The following SPHKAP variants were observed in gnomAD, a reference collection of about 807,000 sequenced individuals.
SPHKAP encodes A-kinase anchor protein SPHKAP.
Under a neutral mutation model 137.5 loss-of-function variants are expected in SPHKAP, and 67 were observed. The observed-to-expected ratio is 0.49, with a 90% confidence interval of 0.40 to 0.60. The LOEUF (loss-of-function observed/expected upper bound fraction) is 0.60. SPHKAP is among the 20% of genes least tolerant of loss of function. The probability of loss-of-function intolerance (pLI) is 0.00; values close to 1 mark genes in which losing one functional copy is unlikely to be tolerated. For synonymous variants in SPHKAP, 813 were observed against 785.3 expected (o/e 1.04, Z -0.59); for missense variants, 2,097 against 2,069.3 (o/e 1.01, Z -0.26).
chr2:228,140,416 C>G (rs1699568136), intron 1 of SPHKAP, among the ~76,000 whole-genome samples: 1 of 152,134 alleles, frequency 6.6e-6, no homozygotes, highest in East Asian at 1.9e-4. Flanking sequence ...CATCAAACCA[C>G]TTGGGCAGGT....
rs185736911 is a variant in SPHKAP, at chr2:228,021,355, C to T, written c.697+356G>A. ...TCAAATCCAGGCTGGTCCAACTTGG[C>T]TTCAACTAATATATGGCTTTTATGG... On this transcript the variant is annotated intron_variant, in intron 6 of 11. Transcript: ENST00000392056. Among the ~76,000 whole-genome samples the T allele has an allele frequency of 7.2e-5, 11 of 152,280 alleles. No homozygotes were observed. In the East Asian group the frequency reaches 2.1e-3, roughly 29 times the overall value.
At chr2:228,065,494 C>T (rs573742368) in intron 3 of SPHKAP, among the ~76,000 whole-genome samples, 5 of 152,240 alleles carry the variant, frequency 3.3e-5, no homozygotes, top group East Asian at 1.9e-4. Context: ...CAGTGGAGAC[C>T]GCAAGTCTAA....
intron 3 of SPHKAP, among the ~76,000 whole-genome samples, chr2:228,058,967 C>A (rs536668243): frequency 2.8e-4 from 42 of 152,316 alleles, no homozygotes; most frequent in Non-Finnish European, 4.7e-4. Context: ...CCTCACTTAA[C>A]CCCAGCAATC....
chr2:228,148,193 C>T (rs1006259244), intron 1 of SPHKAP, among the ~76,000 whole-genome samples: 5 of 152,168 alleles, frequency 3.3e-5, no homozygotes, highest in Non-Finnish European at 5.9e-5. Flanking sequence ...TCTCTGGCTG[C>T]ACCAGGTTGT....
At chr2:228,021,034 T>C (rs1694824361) in intron 6 of SPHKAP, among the ~76,000 whole-genome samples, 1 of 152,156 alleles carries the variant, frequency 6.6e-6, no homozygotes, top group Non-Finnish European at 1.5e-5. Flanking sequence ...AGATTTGTTC[T>C]AAAGTTTGCA....
chr2:228,038,378 G>A (rs1473086335), intron 3 of SPHKAP, among the ~76,000 whole-genome samples: 2 of 150,942 alleles, frequency 1.3e-5, no homozygotes, highest in African/African-American at 4.9e-5. Flanking sequence ...ATTTTTTTTT[G>A]CAGGGGCAGT....
chr2:228,044,738 GT>G (rs1188977654), intron 3 of SPHKAP, among the ~76,000 whole-genome samples: 1 of 152,182 alleles, frequency 6.6e-6, no homozygotes, highest in East Asian at 1.9e-4. Context: ...ATAACAACTA[GT>G]TTTTCATATT....
intron 7 of SPHKAP, among the ~76,000 whole-genome samples, chr2:228,013,856 C>G (rs377087490): frequency 6.6e-6 from 1 of 151,920 alleles, no homozygotes; most frequent in East Asian, 1.9e-4. Context: ...ATATTTAGTC[C>G]TTATGTTTTG....
At chr2:228,118,786 C>G (rs1698806172) in intron 2 of SPHKAP, among the ~76,000 whole-genome samples, 1 of 152,070 alleles carries the variant, frequency 6.6e-6, no homozygotes, top group Non-Finnish European at 1.5e-5. Flanking sequence ...TTCATTCGTT[C>G]TTTCATTCGA....
At chr2:228,074,997 G>A (rs1697132492) in intron 3 of SPHKAP, among the ~76,000 whole-genome samples, 1 of 152,156 alleles carries the variant, frequency 6.6e-6, no homozygotes, top group Non-Finnish European at 1.5e-5. Flanking sequence ...GAAGGAGGAA[G>A]GGGAGGAAGA....
At chr2:227,998,065 A>G (rs761252153) in intron 7 of SPHKAP, among the ~76,000 whole-genome samples, 17 of 152,154 alleles carry the variant, frequency 1.1e-4, no homozygotes, top group Non-Finnish European at 2.4e-4. Flanking sequence ...GAAGTGCAGT[A>G]GCATGATCTC....
chr2:228,092,007 CA>C, intron 3 of SPHKAP, among the ~76,000 whole-genome samples: 1 of 151,734 alleles, frequency 6.6e-6, no homozygotes, highest in Admixed American at 6.6e-5. Flanking sequence ...TGCAAAAATA[CA>C]AAACCAGCCC....
At chr2:228,167,245 G>A (rs1193728126) in intron 1 of SPHKAP, among the ~76,000 whole-genome samples, 1 of 152,124 alleles carries the variant, frequency 6.6e-6, no homozygotes, top group Non-Finnish European at 1.5e-5. Flanking sequence ...CGATCCATGT[G>A]ATGAAACTGC....
At chr2:228,024,051 G>C (rs1403357260) in intron 5 of SPHKAP, among the ~76,000 whole-genome samples, 3 of 152,166 alleles carry the variant, frequency 2.0e-5, no homozygotes, top group Non-Finnish European at 4.4e-5. Flanking sequence ...CAGGAAAGAG[G>C]CCACAAGAGA....
intron 3 of SPHKAP, among the ~76,000 whole-genome samples, chr2:228,091,937 G>T (rs1001206691): frequency 6.6e-6 from 1 of 151,882 alleles, no homozygotes; most frequent in Middle Eastern, 3.2e-3. Context: ...CAGAGGAAAA[G>T]AAGTCACCAT....
At chr2:228,151,609 T>C (rs1244232468) in intron 1 of SPHKAP, among the ~76,000 whole-genome samples, 1 of 152,172 alleles carries the variant, frequency 6.6e-6, no homozygotes, top group Non-Finnish European at 1.5e-5. Context: ...TTCCTGACTT[T>C]TTAATGATCG....
At chr2:228,176,261 G>C (rs1700737696) in intron 1 of SPHKAP, among the ~76,000 whole-genome samples, 1 of 152,142 alleles carries the variant, frequency 6.6e-6, no homozygotes, top group Non-Finnish European at 1.5e-5. Flanking sequence ...AATTCTCGAA[G>C]ACAAGCTTTC....
At chr2:227,991,414 A>G in intron 9 of SPHKAP, 88 bp from the exon 10 acceptor site, 6 of 1,603,942 alleles carry the variant, frequency 3.7e-6, no homozygotes, top group Non-Finnish European at 5.1e-6. Context: ...TTACTGATCT[A>G]AAAGCTTCTG....
intron 7 of SPHKAP, 136 bp downstream of exon 7, chr2:228,016,268 CAT>C (rs1491287054): frequency 8.2e-6 from 10 of 1,224,912 alleles, no homozygotes; most frequent in Admixed American, 2.7e-5. Context: ...CTCATTAACT[CAT>C]TTTTTTTTTT....
Sources: allele counts gnomAD v4.1 joint callset (sites outside exome capture counted in the v4.1 genomes callset), GRCh38; gene constraint gnomAD v4.1.1; transcripts MANE v1.5; gene names NCBI Gene and HGNC (gene_info 2026-07-23, HGNC 2026-07-21).